The following CLSTN2 variants were observed in gnomAD, a reference collection of about 807,000 sequenced individuals.
The protein encoded by CLSTN2 is calsyntenin 2.
CLSTN2 carries 48 observed loss-of-function variants against 101.2 expected under a neutral mutation model. The ratio of observed to expected loss-of-function variants is 0.47; its 90% CI spans 0.38 to 0.60. CLSTN2 has a LOEUF of 0.60. Ranked by LOEUF, CLSTN2 falls within the 20% of genes least tolerant of loss-of-function variation. The pLI is 0.00. For missense variants in CLSTN2, 1,160 were observed against 1,238.2 expected, an observed-to-expected ratio of 0.94 and a Z score of 0.95; for synonymous variants, 481 against 463.6, an observed-to-expected ratio of 1.04 and a Z score of -0.48.
At chr3:140,039,604 G>T (rs2007722873) in intron 1 of CLSTN2, among the ~76,000 whole-genome samples, 1 of 152,036 alleles carries the variant, frequency 6.6e-6, no homozygotes, top group African/African-American at 2.4e-5. Flanking sequence ...TCAGATTAAG[G>T]GCCTGTCTTA....
At chr3:140,030,491 T>C (rs1465310285) in intron 1 of CLSTN2, among the ~76,000 whole-genome samples, 1 of 152,134 alleles carries the variant, frequency 6.6e-6, no homozygotes, top group Non-Finnish European at 1.5e-5. Context: ...TTCCCTTTTT[T>C]AAAAATTAGT....
At chr3:140,246,493 C>A (rs911132329) in intron 2 of CLSTN2, among the ~76,000 whole-genome samples, 1 of 152,130 alleles carries the variant, frequency 6.6e-6, no homozygotes, top group African/African-American at 2.4e-5. Flanking sequence ...AGAAGCTGTA[C>A]ACACTTGATC....
At chr3:140,419,063 A>G (rs538952919) in intron 4 of CLSTN2, among the ~76,000 whole-genome samples, 5 of 151,842 alleles carry the variant, frequency 3.3e-5, no homozygotes, top group African/African-American at 9.7e-5. Context: ...GCATTATTTG[A>G]CTTTTCTAAT....
intron 2 of CLSTN2, among the ~76,000 whole-genome samples, chr3:140,337,871 A>G (rs1323528075): frequency 2.0e-5 from 3 of 152,138 alleles, no homozygotes; most frequent in Non-Finnish European, 4.4e-5. Context: ...TGGGGTTTAT[A>G]TGTATTAACT....
intron 2 of CLSTN2, among the ~76,000 whole-genome samples, chr3:140,240,850 C>T (rs1408898227): frequency 6.6e-6 from 1 of 152,146 alleles, no homozygotes; most frequent in African/African-American, 2.4e-5. Context: ...CGTGGCACTA[C>T]TAGGGTCCCT....
chr3:140,275,869 G>A (rs917575516), intron 2 of CLSTN2, among the ~76,000 whole-genome samples: 2 of 152,182 alleles, frequency 1.3e-5, no homozygotes, highest in Admixed American at 6.5e-5. Flanking sequence ...GTGATGGTTG[G>A]TGAGGGCTTC....
intron 2 of CLSTN2, among the ~76,000 whole-genome samples, chr3:140,192,895 A>G (rs111633264): frequency 6.6e-6 from 1 of 151,890 alleles, no homozygotes; most frequent in Non-Finnish European, 1.5e-5. Flanking sequence ...TCAGTTGGAC[A>G]CATTTTAGAA....
chr3:140,053,241 C>G (rs545642460), intron 1 of CLSTN2, among the ~76,000 whole-genome samples: 20 of 152,292 alleles, frequency 1.3e-4, no homozygotes, highest in Admixed American at 6.5e-4. Flanking sequence ...CTCTTCACAC[C>G]CTGGTGATGA....
At chr3:140,133,467 GT>G (rs2009553715) in intron 1 of CLSTN2, among the ~76,000 whole-genome samples, 1 of 152,160 alleles carries the variant, frequency 6.6e-6, no homozygotes, top group Admixed American at 6.5e-5. Context: ...GGTTACTTGT[GT>G]TTGTACCTAA....
intron 2 of CLSTN2, among the ~76,000 whole-genome samples, chr3:140,270,159 G>C (rs1251718829): frequency 6.6e-6 from 1 of 152,138 alleles, no homozygotes; most frequent in Non-Finnish European, 1.5e-5. Context: ...CCATTAATTG[G>C]AGTACTAACT....
At chr3:140,210,420 G>C (rs997928743) in intron 2 of CLSTN2, among the ~76,000 whole-genome samples, 1 of 152,302 alleles carries the variant, frequency 6.6e-6, no homozygotes, top group Middle Eastern at 3.4e-3. Context: ...TCTGGAAGCA[G>C]TACACACTTT....
At chr3:140,473,676 C>T (rs1241782335) in intron 8 of CLSTN2, among the ~76,000 whole-genome samples, 1 of 152,036 alleles carries the variant, frequency 6.6e-6, no homozygotes, top group Non-Finnish European at 1.5e-5. Flanking sequence ...CATTTTAGTC[C>T]AGTGACATTC....
intron 2 of CLSTN2, among the ~76,000 whole-genome samples, chr3:140,292,614 A>G (rs186498322): frequency 7.7e-4 from 117 of 152,334 alleles, no homozygotes; most frequent in Admixed American, 1.4e-3. Context: ...GAAGAGAATC[A>G]TGCAAGTTGC....
chr3:140,379,780 G>A (rs1051517687), intron 2 of CLSTN2, among the ~76,000 whole-genome samples: 1 of 152,078 alleles, frequency 6.6e-6, no homozygotes, highest in Admixed American at 6.5e-5. Context: ...TCTTTAATAA[G>A]CTACGAAAAT....
chr3:139,991,762 A>G (rs1462360272), intron 1 of CLSTN2, among the ~76,000 whole-genome samples: 1 of 152,246 alleles, frequency 6.6e-6, no homozygotes, highest in Non-Finnish European at 1.5e-5. Context: ...AAGAATTTGT[A>G]GGTTTACACA....
chr3:140,448,267 G>T (rs1933143737), intron 5 of CLSTN2, among the ~76,000 whole-genome samples: 1 of 151,904 alleles, frequency 6.6e-6, no homozygotes, highest in Non-Finnish European at 1.5e-5. Context: ...GCACGTGCCT[G>T]CACATGTTTT....
chr3:140,367,774 G>A (rs1370330038), intron 2 of CLSTN2, among the ~76,000 whole-genome samples: 1 of 152,106 alleles, frequency 6.6e-6, no homozygotes, highest in Non-Finnish European at 1.5e-5. Context: ...GGTATAGTTG[G>A]GAACCTCTCT....
chr3:140,473,644 G>C (rs1258722625), intron 8 of CLSTN2, among the ~76,000 whole-genome samples: 1 of 152,092 alleles, frequency 6.6e-6, no homozygotes, highest in Admixed American at 6.6e-5. Flanking sequence ...CTTCAGAAGG[G>C]ATGTGGCCCT....
chr3:140,023,863 G>C (rs985339448), intron 1 of CLSTN2, among the ~76,000 whole-genome samples: 1 of 152,222 alleles, frequency 6.6e-6, no homozygotes, highest in Non-Finnish European at 1.5e-5. Flanking sequence ...TGGAAGCACT[G>C]AGCCTGGGTG....
Sources: gnomAD v4.1 joint callset for allele counts (sites outside exome capture counted in the v4.1 genomes callset) on GRCh38, gnomAD v4.1.1 for gene constraint, MANE v1.5 for transcripts, NCBI Gene and HGNC (gene_info 2026-07-23, HGNC 2026-07-21) for gene names.